The following DMD variants were observed in gnomAD, a reference collection of about 807,000 sequenced individuals.
The protein encoded by DMD is mutant dystrophin.
Under a neutral mutation model 330.1 loss-of-function variants are expected in DMD, and 63 were observed. The observed-to-expected ratio is 0.19, with a 90% CI of 0.16 to 0.24. The LOEUF is 0.24. DMD is among the 10% of genes least tolerant of loss of function. DMD has a pLI of 1.00. For missense variants in DMD, 3,344 were observed against 2,684.1 expected (o/e 1.25, Z -5.43); for synonymous variants, 1,223 against 959.8 (o/e 1.27, Z -5.07).
chrX:33,055,926 T>C (rs2094511791), intron 1 of DMD, among the ~76,000 whole-genome samples: 1 of 110,536 alleles, frequency 9.0e-6, no homozygotes, highest in South Asian at 3.9e-4. Flanking sequence ...ATGTATTGTC[T>C]ACTACACTGT....
chrX:32,562,429 T>TA (rs2051126970), intron 16 of DMD, among the ~76,000 whole-genome samples: 1 of 112,599 alleles, frequency 8.9e-6, no homozygotes, highest in African/African-American at 3.2e-5. Context: ...ACAGCAATCA[T>TA]ACGCGCAAGC....
chrX:31,788,815 T>C (rs1264223779), intron 50 of DMD, among the ~76,000 whole-genome samples: 1 of 111,738 alleles, frequency 8.9e-6, no homozygotes, highest in Admixed American at 9.5e-5. Context: ...TTTATCATTA[T>C]TTAATGACCT....
chrX:32,783,029 T>C (rs1321011550), intron 7 of DMD, among the ~76,000 whole-genome samples: 1 of 103,577 alleles, frequency 9.7e-6, no homozygotes, highest in African/African-American at 3.5e-5. Context: ...ACATATATGG[T>C]GTGTTTATAT....
Position 31,718,497 on chromosome X carries a change from G to T in DMD, c.7660+11134C>A, listed in dbSNP as rs745743133. On this transcript the variant is annotated intron_variant, in intron 52 of 78. Coordinates refer to ENST00000357033, the MANE Select transcript of DMD (RefSeq NM_004006.3). ...TATGTTGAAGTGCTAACCCCCAATG[G>T]ATATTTGGAGGTGGGGCCTTTGAGA... is the stretch of plus-strand genomic sequence containing the variant. Among the ~76,000 whole-genome samples, 8 of 110,988 alleles carry T rather than the reference G, an allele frequency of 7.2e-5. No individual in the cohort carries two copies. In the South Asian group the frequency reaches 3.1e-3, roughly 43 times the overall value.
At chrX:33,228,176 T>C (rs1294242905) in intron 1 of DMD, among the ~76,000 whole-genome samples, 3 of 110,799 alleles carry the variant, frequency 2.7e-5, no homozygotes, top group Admixed American at 9.6e-5. Flanking sequence ...TTTTAAAATA[T>C]TGAAAATCTT....
At chrX:32,530,788 G>A (rs948757473) in intron 17 of DMD, among the ~76,000 whole-genome samples, 2 of 111,888 alleles carry the variant, frequency 1.8e-5, no homozygotes, top group Non-Finnish European at 3.8e-5. Flanking sequence ...ACACACTTCT[G>A]TGCAAGAAAA....
chrX:33,253,479 A>G (rs1341883383), intron 1 of DMD, among the ~76,000 whole-genome samples: 1 of 111,721 alleles, frequency 9.0e-6, no homozygotes, highest in Non-Finnish European at 1.9e-5. Flanking sequence ...CCATTTTATT[A>G]ATGCTAAAAA....
chrX:31,122,454 A>G (rs1359144842), intron 78 of DMD, among the ~76,000 whole-genome samples: 1 of 110,746 alleles, frequency 9.0e-6, no homozygotes, highest in African/African-American at 3.3e-5. Flanking sequence ...TGCCACCATC[A>G]CCGCCACACC....
intron 1 of DMD, among the ~76,000 whole-genome samples, chrX:33,202,915 T>C (rs767715483): frequency 8.9e-6 from 1 of 111,802 alleles, no homozygotes; most frequent in African/African-American, 3.2e-5. Flanking sequence ...AAAAACCTAA[T>C]GTTAAAAAAA....
At chrX:31,871,161 G>C (rs2093884186) in intron 48 of DMD, among the ~76,000 whole-genome samples, 2 of 111,193 alleles carry the variant, frequency 1.8e-5, no homozygotes, top group African/African-American at 6.5e-5. Flanking sequence ...CTAGTGGGCT[G>C]ACTGATGGGA....
rs183907240 is a variant in DMD, at chrX:32,399,574, G to T, written c.4234-9393C>A. On this transcript the variant is annotated intron_variant, in intron 30 of 78. Coordinates refer to ENST00000357033, the MANE Select transcript of DMD (RefSeq NM_004006.3). ...TCAAATGGTTTTATTTATAAAACAAGCAATAACAAATGTTGGCGAGGATAT... is the reference window on the plus strand; with the variant it reads ...TCAAATGGTTTTATTTATAAAACAATCAATAACAAATGTTGGCGAGGATAT... Among the ~76,000 whole-genome samples, 475 of 111,012 alleles carry T rather than the reference G, an allele frequency of 4.3e-3. 11 individuals are homozygous for T. Among genetic ancestry groups the T allele is most frequent in the South Asian group, 0.017 (43 of 2,600 alleles).
intron 17 of DMD, among the ~76,000 whole-genome samples, chrX:32,537,780 T>C (rs1461316183): frequency 8.9e-6 from 1 of 112,408 alleles, no homozygotes; most frequent in East Asian, 2.8e-4. Flanking sequence ...TACCATTTTC[T>C]TCACTCAAAA....
At chrX:32,561,966 A>T (rs2051067427) in intron 16 of DMD, among the ~76,000 whole-genome samples, 1 of 111,785 alleles carries the variant, frequency 8.9e-6, no homozygotes, top group African/African-American at 3.3e-5. Context: ...AGGAAGAATA[A>T]AATCTTTTCC....
intron 2 of DMD, among the ~76,000 whole-genome samples, chrX:32,874,182 A>C (rs1037628146): frequency 8.9e-6 from 1 of 112,274 alleles, no homozygotes; most frequent in Admixed American, 9.4e-5. Flanking sequence ...TTCACAAAAG[A>C]ACAGATAAGC....
chrX:32,464,669 C>G lies in DMD; in HGVS notation c.3193G>C (p.Ala1065Pro), dbSNP rs774756042. ...TCCTTCAGAAAAACATCAACTTCAG[C>G]CATCCATTTCTTCAGGGTTTGTATG... is the stretch of plus-strand genomic sequence containing the variant. Reference protein sequence around the residue: ...NHIQTLKKWMAEVDVFLKEEW... With the variant: ...NHIQTLKKWMPEVDVFLKEEW... The change falls in exon 24 of 79, where the codon GCT (alanine) becomes CCT (proline). Residue 1065 changes from alanine to proline, a missense_variant. By Grantham distance (27) the Ala-to-Pro change is conservative. Coordinates refer to ENST00000357033, the MANE Select transcript of DMD (RefSeq NM_004006.3). 6 of 1,205,859 alleles carry G rather than the reference C, an allele frequency of 5.0e-6. No homozygotes were observed. In the East Asian group the frequency reaches 1.8e-4, roughly 36 times the overall value.
At chrX:32,528,337 A>G (rs1401524293) in intron 17 of DMD, among the ~76,000 whole-genome samples, 2 of 111,706 alleles carry the variant, frequency 1.8e-5, no homozygotes, top group African/African-American at 6.5e-5. Context: ...ACATAGCTAT[A>G]TATGTGTGTG....
intron 62 of DMD, chrX:31,261,331 A>G (rs1458005766): frequency 7.6e-6 from 2 of 263,756 alleles, no homozygotes; most frequent in Non-Finnish European, 1.4e-5. Context: ...ATAATCGACT[A>G]TCAGGACTTC....
intron 59 of DMD, among the ~76,000 whole-genome samples, chrX:31,447,253 TC>T (rs1815110808): frequency 1.0e-5 from 1 of 97,761 alleles, no homozygotes; most frequent in South Asian, 4.9e-4. Flanking sequence ...TACCATAAGA[TC>T]TTGGGATTTT....
chrX:31,758,112 G>A (rs1462640739), intron 51 of DMD, among the ~76,000 whole-genome samples: 1 of 111,030 alleles, frequency 9.0e-6, no homozygotes, highest in Non-Finnish European at 1.9e-5. Context: ...CCCAAACTAT[G>A]ATATTATCTT....
Sources: allele counts gnomAD v4.1 joint callset (sites outside exome capture counted in the v4.1 genomes callset), GRCh38; gene constraint gnomAD v4.1.1; transcripts MANE v1.5; gene names NCBI Gene and HGNC (gene_info 2026-07-23, HGNC 2026-07-21).